GLIS3: variants seen among roughly 807,000 people sequenced by gnomAD.
The protein encoded by GLIS3 is zinc finger protein GLIS3.
A neutral mutation model predicts 78.6 loss-of-function variants in GLIS3; 53 were observed. That is an observed-to-expected ratio of 0.67 (90% CI 0.54 to 0.85). The LOEUF (loss-of-function observed/expected upper bound fraction) is 0.85, where lower values mean the gene tolerates loss of function less well. Ranked by LOEUF, GLIS3 falls within the 40% of genes least tolerant of loss-of-function variation. The pLI is 0.00. For synonymous variants in GLIS3, 684 were observed against 509.9 expected (o/e 1.34, Z -4.60); for missense variants, 1,703 against 1,231.1 (o/e 1.38, Z -5.74).
intron 2 of GLIS3, among the ~76,000 whole-genome samples, chr9:4,256,211 G>A (rs566739409): frequency 2.6e-5 from 4 of 152,146 alleles, no homozygotes; most frequent in East Asian, 1.9e-4. Flanking sequence ...GAATAAGAGA[G>A]GCAATATTTA....
At chr9:3,979,335 T>C (rs1481626009) in intron 4 of GLIS3, among the ~76,000 whole-genome samples, 1 of 152,188 alleles carries the variant, frequency 6.6e-6, no homozygotes, top group Non-Finnish European at 1.5e-5. Flanking sequence ...CTGGTCAACC[T>C]TCAGTGGTGT....
At chr9:4,127,768 C>T (rs1391797394) in intron 2 of GLIS3, among the ~76,000 whole-genome samples, 6 of 138,302 alleles carry the variant, frequency 4.3e-5, no homozygotes, top group African/African-American at 1.6e-4. Context: ...CATCAATTAT[C>T]AAGTATTCTG....
At position 4,155,304 on chromosome 9, in the gene GLIS3, T is replaced by A. The variant is rs10974351; in HGVS notation, c.389-29363A>T. ...AAGTTAAAAAGCAAGAGAATAAGCATGATTGTGCAGCAAATGACATCAGCA... is the reference window on the plus strand; with the variant it reads ...AAGTTAAAAAGCAAGAGAATAAGCAAGATTGTGCAGCAAATGACATCAGCA... On this transcript the variant is annotated intron_variant, in intron 2 of 10. Coordinates refer to ENST00000381971, the MANE Select transcript of GLIS3 (RefSeq NM_001042413.2). Among the ~76,000 whole-genome samples, 39 of 152,296 alleles carry A rather than the reference T, an allele frequency of 2.6e-4. No homozygotes were observed. The East Asian group carries it at 6.7e-3, about 26-fold the overall frequency.
chr9:3,908,178 C>T (rs1165948936), intron 6 of GLIS3, among the ~76,000 whole-genome samples: 1 of 152,212 alleles, frequency 6.6e-6, no homozygotes, highest in African/African-American at 2.4e-5. Context: ...ACTTCCCTGA[C>T]AGCAACCTGT....
chr9:4,276,462 G>A (rs543418827), intron 2 of GLIS3, among the ~76,000 whole-genome samples: 1 of 14,366 alleles, frequency 7.0e-5, no homozygotes, highest in South Asian at 6.9e-3. Context: ...GGGAGGGGAG[G>A]GAAGGGGACG....
chr9:4,183,508 C>A (rs7040807), intron 2 of GLIS3, among the ~76,000 whole-genome samples: 1 of 152,116 alleles, frequency 6.6e-6, no homozygotes, highest in African/African-American at 2.4e-5. Context: ...AAGGAAGCAG[C>A]GATCCTGAAA....
chr9:4,042,951 A>T (rs1401495535), intron 4 of GLIS3, among the ~76,000 whole-genome samples: 1 of 68,308 alleles, frequency 1.5e-5, no homozygotes, highest in Non-Finnish European at 2.3e-5. Flanking sequence ...GCTTGAAAAG[A>T]AAAAAAAAAA....
intron 2 of GLIS3, among the ~76,000 whole-genome samples, chr9:4,213,588 T>C (rs1354585096): frequency 6.6e-6 from 1 of 152,202 alleles, no homozygotes; most frequent in East Asian, 1.9e-4. Context: ...TTAGCTAATT[T>C]ACGTAGCCAC....
At chr9:4,223,948 C>T (rs189433417) in intron 2 of GLIS3, among the ~76,000 whole-genome samples, 12 of 151,356 alleles carry the variant, frequency 7.9e-5, no homozygotes, top group Admixed American at 7.9e-4. Context: ...ATAAACAATA[C>T]GGGGAAAATG....
At chr9:4,196,117 G>A (rs1035871745) in intron 2 of GLIS3, among the ~76,000 whole-genome samples, 4 of 152,162 alleles carry the variant, frequency 2.6e-5, no homozygotes, top group African/African-American at 9.7e-5. Flanking sequence ...GCACTAATCA[G>A]TGCTCTGTGT....
the GLIS3 span, among the ~76,000 whole-genome samples, chr9:4,431,759 C>T: frequency 1.3e-5 from 2 of 149,434 alleles, no homozygotes. Flanking sequence ...CAGGAGAATC[C>T]ATTGAACCTG....
the GLIS3 span, among the ~76,000 whole-genome samples, chr9:4,390,371 C>CTTT: frequency 6.9e-6 from 1 of 145,134 alleles, no homozygotes; most frequent in Non-Finnish European, 1.5e-5. Flanking sequence ...TGATAAAAGT[C>CTTT]TTTTTTTTTT....
intron 2 of GLIS3, among the ~76,000 whole-genome samples, chr9:4,342,844 T>G (rs914000793): frequency 4.6e-5 from 7 of 152,234 alleles, no homozygotes; most frequent in African/African-American, 1.7e-4. Flanking sequence ...TATTTTATTT[T>G]GTGTGTGTGG....
chr9:4,228,769 CA>C (rs1822001631), intron 2 of GLIS3, among the ~76,000 whole-genome samples: 1 of 152,140 alleles, frequency 6.6e-6, no homozygotes, highest in Admixed American at 6.5e-5. Flanking sequence ...ACATACAGCC[CA>C]AATACAGAAA....
chr9:4,430,804 C>G, the GLIS3 span, among the ~76,000 whole-genome samples: 5 of 152,172 alleles, frequency 3.3e-5, no homozygotes, highest in Non-Finnish European at 7.4e-5. Flanking sequence ...CAAATTCCAA[C>G]TAGGACATTG....
At chr9:4,164,718 C>T (rs1440230545) in intron 2 of GLIS3, among the ~76,000 whole-genome samples, 1 of 152,002 alleles carries the variant, frequency 6.6e-6, no homozygotes, top group East Asian at 1.9e-4. Flanking sequence ...ATGCAACAAA[C>T]AATATTGGAA....
intron 9 of GLIS3, among the ~76,000 whole-genome samples, chr9:3,852,186 G>A (rs1033626604): frequency 2.5e-4 from 38 of 151,414 alleles, no homozygotes; most frequent in African/African-American, 6.8e-4. Flanking sequence ...AAATTTAGAC[G>A]TTTTGATAAA....
intron 4 of GLIS3, among the ~76,000 whole-genome samples, chr9:4,053,718 A>AAAAAAAAAAAAC (rs1825913979): frequency 6.6e-6 from 1 of 151,050 alleles, no homozygotes; most frequent in African/African-American, 2.4e-5. Context: ...AAAAAAAAAA[A>AAAAAAAAAAAAC]AAAAATTCTG....
intron 4 of GLIS3, among the ~76,000 whole-genome samples, chr9:3,972,647 T>C (rs1461564771): frequency 1.3e-5 from 2 of 152,188 alleles, no homozygotes; most frequent in African/African-American, 4.8e-5. Context: ...CCTTGTAAAA[T>C]ACTATGAAAT....
Sources: gnomAD v4.1 joint callset for allele counts (sites outside exome capture counted in the v4.1 genomes callset) on GRCh38, gnomAD v4.1.1 for gene constraint, MANE v1.5 for transcripts, NCBI Gene and HGNC (gene_info 2026-07-23, HGNC 2026-07-21) for gene names.